SIPA1L3: variants seen among roughly 807,000 people sequenced by gnomAD.
SIPA1L3 encodes the protein signal-induced proliferation-associated 1-like protein 3.
Under a neutral mutation model 150.1 loss-of-function variants are expected in SIPA1L3, and 59 were observed. The ratio of observed to expected loss-of-function variants is 0.39; its 90% CI spans 0.32 to 0.49. SIPA1L3 has a LOEUF of 0.49. Among genes scored for constraint, SIPA1L3 ranks in the 20% least tolerant of loss-of-function variants. SIPA1L3 has a pLI of 0.86. For missense variants in SIPA1L3, 2,211 were observed against 2,489.5 expected (o/e 0.89, Z 2.38); for synonymous variants, 1,070 against 1,077.6 (o/e 0.99, Z 0.14).
At chr19:38,127,818 A>G (rs1480398118) in intron 9 of SIPA1L3, among the ~76,000 whole-genome samples, 1 of 152,102 alleles carries the variant, frequency 6.6e-6, no homozygotes, top group Non-Finnish European at 1.5e-5. Flanking sequence ...CCGAGTTGCA[A>G]CAGTGTTAAA....
intron 1 of SIPA1L3, among the ~76,000 whole-genome samples, chr19:37,959,478 A>C (rs1029738163): frequency 1.1e-4 from 17 of 152,242 alleles, no homozygotes; most frequent in African/African-American, 3.9e-4. Flanking sequence ...GCAAATCTAC[A>C]GAGACAGAAA....
chr19:37,924,550 C>T (rs1040013897), intron 1 of SIPA1L3, among the ~76,000 whole-genome samples: 2 of 151,308 alleles, frequency 1.3e-5, no homozygotes, highest in Non-Finnish European at 2.9e-5. Context: ...TAGTGGCAGG[C>T]GTCTGTAATC....
chr19:38,174,790 C>T (rs1972403703), intron 15 of SIPA1L3, among the ~76,000 whole-genome samples: 1 of 151,248 alleles, frequency 6.6e-6, no homozygotes, highest in Non-Finnish European at 1.5e-5. Flanking sequence ...GCTGAGATGG[C>T]ACCACTGGAC....
At chr19:38,187,811 A>G (rs1972720648) in intron 16 of SIPA1L3, among the ~76,000 whole-genome samples, 1 of 151,798 alleles carries the variant, frequency 6.6e-6, no homozygotes, top group Admixed American at 6.6e-5. Context: ...CAGCCTGACC[A>G]ACATAGTGAA....
At chr19:37,960,403 AT>A (rs60821140) in intron 1 of SIPA1L3, among the ~76,000 whole-genome samples, 4,453 of 137,498 alleles carry the variant, frequency 0.032, 72 homozygotes, top group African/African-American at 0.044. Flanking sequence ...CACTCAGCTA[AT>A]TTTTTTTTTT....
intron 1 of SIPA1L3, among the ~76,000 whole-genome samples, chr19:37,942,522 G>A (rs890546156): frequency 4.2e-5 from 6 of 141,754 alleles, no homozygotes; most frequent in Non-Finnish European, 7.7e-5. Context: ...GTGTGGGGTG[G>A]GGGTGGGAAG....
At chr19:38,041,687 C>A (rs1294133192) in intron 2 of SIPA1L3, among the ~76,000 whole-genome samples, 2 of 152,122 alleles carry the variant, frequency 1.3e-5, no homozygotes, top group Non-Finnish European at 2.9e-5. Context: ...AGTGATCCAC[C>A]TGCCTCAGCC....
intron 1 of SIPA1L3, among the ~76,000 whole-genome samples, chr19:37,985,375 T>C (rs1344504950): frequency 6.6e-6 from 1 of 151,998 alleles, no homozygotes; most frequent in Non-Finnish European, 1.5e-5. Flanking sequence ...CGAAGAAAAT[T>C]GTTTTAGTCA....
In SIPA1L3 at chr19:38,081,570, C is replaced by T. The variant is rs1023166638; in HGVS notation, c.5C>T (p.Thr2Ile). The part of the protein sequence containing the change: M[T>I]TYRAIPSDGV... ...GCACTCCAGTGCCCGTGGACTATGA[C>T]CACCTATCGGGCCATCCCCAGCGAT... The change falls in exon 3 of 22, where the codon ACC becomes ATC. Residue 2 changes from threonine to isoleucine, a missense_variant. By Grantham distance (89) the Thr-to-Ile change is moderately conservative. Transcript: ENST00000222345. The T allele has an allele frequency of 1.3e-6, 2 of 1,580,024 alleles. No individual in the cohort carries two copies. The highest frequency in any genetic ancestry group is 4.5e-5 in the East Asian group (2 of 44,300).
intron 2 of SIPA1L3, among the ~76,000 whole-genome samples, chr19:38,056,534 T>G (rs574116018): frequency 6.6e-6 from 1 of 152,340 alleles, no homozygotes; most frequent in African/African-American, 2.4e-5. Flanking sequence ...AGTTTACCCC[T>G]TCCTTCTCTT....
intron 15 of SIPA1L3, among the ~76,000 whole-genome samples, chr19:38,166,635 G>C (rs1972217813): frequency 6.6e-6 from 1 of 152,020 alleles, no homozygotes; most frequent in South Asian, 2.1e-4. Flanking sequence ...GACCCCCTTA[G>C]GGTTCTGTGA....
Position 38,041,263 on chromosome 19 carries a change from C to T in SIPA1L3, c.-311+12107C>T, listed in dbSNP as rs185476645. 1.3e-4 allele frequency among the ~76,000 whole-genome samples: 18 copies of T among 142,620 alleles called. No individual in the cohort carries two copies. In the East Asian group the frequency reaches 2.5e-3, roughly 20 times the overall value. 93.6% of individuals were successfully genotyped at this position (142,620 alleles called of 152,430 possible). On this transcript the variant is annotated intron_variant, in intron 2 of 21. Transcript: ENST00000222345. ...CTGGGATTACAGGCACCCGCCAACA[C>T]GCTCAGCTAATTTTTTTTTTTTTTT...
rs769358752 is a variant in SIPA1L3 at position 38,081,887 on chromosome 19, A to C, written c.322A>C (p.Thr108Pro). 6.2e-7 allele frequency: 1 copy of C among 1,614,034 alleles called. No homozygotes were observed. The highest frequency in any genetic ancestry group is 1.3e-5 in the African/African-American group (1 of 74,946). The change falls in exon 3 of 22, where the codon ACA becomes CCA. Residue 108 changes from threonine (T) to proline (P), a missense_variant. Coordinates refer to ENST00000222345, the MANE Select transcript of SIPA1L3 (RefSeq NM_015073.3). ...AAGCCCCTCCCAGGACACAGATGGC[A>C]CAAAGGCCACCAAGATGGCCCATTC... ...NPSPSQDTDG[T>P]KATKMAHSMR...
Position 38,130,655 on chromosome 19 carries a change from A to T in SIPA1L3, c.3026A>T (p.Glu1009Val). 6.2e-7 allele frequency: 1 copy of T among 1,613,842 alleles called. No homozygotes were observed. The highest frequency in any genetic ancestry group is 8.5e-7 in the Non-Finnish European group (1 of 1,180,038). ...CTCCGGCAGGGCAGCCGACTAGTGG[A>T]GATCTGCAAGGTGGCCGTGGTCACA... ...AGLRQGSRLV[E>V]ICKVAVVTLT... Residue 1009 changes from glutamate (E) to valine (V), a missense_variant, in exon 10 of 22, where the codon GAG (glutamate) becomes GTG (valine). Coordinates refer to ENST00000222345, the MANE Select transcript of SIPA1L3 (RefSeq NM_015073.3).
At chr19:38,138,050 G>C (rs1971475862) in intron 10 of SIPA1L3, among the ~76,000 whole-genome samples, 1 of 151,974 alleles carries the variant, frequency 6.6e-6, no homozygotes, top group Non-Finnish European at 1.5e-5. Flanking sequence ...AGAATTGCTT[G>C]AACCCAATAG....
rs567579504 is a variant in SIPA1L3, at chr19:38,045,136, G to A, written c.-311+15980G>A. 4.6e-5 allele frequency among the ~76,000 whole-genome samples: 7 copies of A among 152,200 alleles called. No homozygotes were observed. The East Asian group carries it at 1.4e-3, about 29-fold the overall frequency. ...CTCACACCTGTAATCCCAGCACTTC[G>A]GGAAGCCAAGATGGGCAGATCACTT... On this transcript the variant is annotated intron_variant, in intron 2 of 21. Transcript: ENST00000222345.
rs184751502 is a variant in SIPA1L3, at chr19:38,082,137, G to A, written c.572G>A (p.Arg191Gln). 5.4e-4 allele frequency: 870 copies of A among 1,605,802 alleles called. 7 individuals carry two copies. In the East Asian group the frequency reaches 0.014, roughly 26 times the overall value. Residue 191 changes from arginine to glutamine, a missense_variant, in exon 3 of 22, where the codon CGG becomes CAG. Arg to Gln is a conservative substitution (Grantham distance 43, BLOSUM62 1). Transcript: ENST00000222345. ...AEDAGEPRGA[R>Q]HTGALPLFRE... ...GACGCGGGGGAGCCGCGGGGGGCCCGGCACACGGGGGCGCTGCCCCTCTTC... is the reference window on the plus strand; with the variant it reads ...GACGCGGGGGAGCCGCGGGGGGCCCAGCACACGGGGGCGCTGCCCCTCTTC...
chr19:37,987,782 G>A (rs538277223), intron 1 of SIPA1L3, among the ~76,000 whole-genome samples: 1 of 152,306 alleles, frequency 6.6e-6, no homozygotes, highest in Admixed American at 6.5e-5. Flanking sequence ...TGCATCTCCC[G>A]TCTGCTGCAC....
In SIPA1L3 at chr19:38,026,851, C is replaced by A. The variant is rs1021863487; in HGVS notation, c.-378-2238C>A. ...GGGCAATAAACCACAATTGGATTAGCAATATCTGTGACTTTGTCACTACTA... is the reference window on the plus strand; with the variant it reads ...GGGCAATAAACCACAATTGGATTAGAAATATCTGTGACTTTGTCACTACTA... On this transcript the variant is annotated intron_variant, in intron 1 of 21. Transcript: ENST00000222345. Among the ~76,000 whole-genome samples, 8 of 152,186 alleles carry A rather than the reference C, an allele frequency of 5.3e-5. No individual in the cohort carries two copies. The East Asian group carries it at 1.5e-3, about 29-fold the overall frequency.
Sources: gnomAD v4.1 joint callset for allele counts (sites outside exome capture counted in the v4.1 genomes callset) on GRCh38, gnomAD v4.1.1 for gene constraint, MANE v1.5 for transcripts, NCBI Gene and HGNC (gene_info 2026-07-23, HGNC 2026-07-21) for gene names.